The following BARX2 variants were observed in gnomAD, a reference collection of about 807,000 sequenced individuals.
BARX2 encodes the protein homeobox protein BarH-like 2.
A neutral mutation model predicts 25.5 loss-of-function variants in BARX2; 11 were observed. The observed-to-expected ratio is 0.43, with a 90% CI of 0.27 to 0.71. The LOEUF (loss-of-function observed/expected upper bound fraction) is 0.71, where lower values mean the gene tolerates loss of function less well. BARX2 is among the 30% of genes least tolerant of loss of function. The pLI is 0.19. For missense variants in BARX2, 360 were observed against 359.9 expected (o/e 1.00, Z 0.00); for synonymous variants, 137 against 149.5 (o/e 0.92, Z 0.61).
intron 3 of BARX2, among the ~76,000 whole-genome samples, chr11:129,449,914 G>A (rs575518605): frequency 3.9e-5 from 6 of 152,194 alleles, no homozygotes; most frequent in Admixed American, 6.5e-5. Context: ...AGACCTGGGG[G>A]ATGAGGAAGG....
Position 129,427,204 on chromosome 11 carries a change from C to T in BARX2, c.188-9547C>T, listed in dbSNP as rs141611161. Among the ~76,000 whole-genome samples the T allele has an allele frequency of 1.1e-3, 168 of 152,252 alleles. 2 individuals carry two copies. The highest frequency in any genetic ancestry group is 3.3e-3 in the East Asian group (17 of 5,178). On this transcript the variant is annotated intron_variant, in intron 1 of 3. Transcript: ENST00000281437. Reference sequence around the variant, plus strand: ...CATACATTAATGCCGTTAATCCTCACGATAATCCAGGAGGGAGAACTGTTA... The same window carrying T: ...CATACATTAATGCCGTTAATCCTCATGATAATCCAGGAGGGAGAACTGTTA...
At chr11:129,385,525 G>GA (rs35952223) in intron 1 of BARX2, among the ~76,000 whole-genome samples, 2 of 152,132 alleles carry the variant, frequency 1.3e-5, no homozygotes, top group African/African-American at 4.8e-5. Context: ...ACAATGTTGA[G>GA]AAAAAAAGTT....
chr11:129,427,667 A>T (rs1862081343), intron 1 of BARX2, among the ~76,000 whole-genome samples: 1 of 152,160 alleles, frequency 6.6e-6, no homozygotes, highest in African/African-American at 2.4e-5. Flanking sequence ...GGAAGAATAG[A>T]AGAGAAGCCC....
intron 3 of BARX2, 108 bp downstream of exon 3, chr11:129,443,027 G>A (rs1591448708): frequency 4.1e-6 from 4 of 967,378 alleles, no homozygotes; most frequent in Non-Finnish European, 6.5e-6. Context: ...TGCAGAGATT[G>A]GAAGGCCTTC....
chr11:129,419,044 G>C (rs905141357), intron 1 of BARX2, among the ~76,000 whole-genome samples: 1 of 152,222 alleles, frequency 6.6e-6, no homozygotes, highest in East Asian at 1.9e-4. Context: ...GCGCACATGA[G>C]GTGAACAGGC....
At chr11:129,378,196 T>A (rs886511102) in intron 1 of BARX2, among the ~76,000 whole-genome samples, 8 of 152,348 alleles carry the variant, frequency 5.3e-5, no homozygotes, top group African/African-American at 1.4e-4. Flanking sequence ...TTTCGGATTG[T>A]TAGTTGAAAA....
intron 1 of BARX2, among the ~76,000 whole-genome samples, chr11:129,411,700 T>G (rs1440254057): frequency 6.6e-6 from 1 of 152,248 alleles, no homozygotes; most frequent in African/African-American, 2.4e-5. Flanking sequence ...TGCTGGGAGC[T>G]GAGCTACTTC....
At chr11:129,422,550 C>T (rs1862016379) in intron 1 of BARX2, among the ~76,000 whole-genome samples, 1 of 152,196 alleles carries the variant, frequency 6.6e-6, no homozygotes, top group Admixed American at 6.5e-5. Flanking sequence ...CCTCCTGCCT[C>T]AGCCTCCCAA....
chr11:129,410,253 G>C (rs1157696422), intron 1 of BARX2, among the ~76,000 whole-genome samples: 2 of 151,990 alleles, frequency 1.3e-5, no homozygotes, highest in Non-Finnish European at 2.9e-5. Context: ...CTTCTACTTT[G>C]AAAATTCAGC....
In BARX2 at chr11:129,442,836, T is replaced by C. The variant is rs1862279361; in HGVS notation, c.490T>C (p.Leu164=). The change falls in exon 3 of 4, where the codon TTG becomes CTG. Residue 164 remains leucine (L), a splice_region_variant and synonymous_variant. Coordinates refer to ENST00000281437, the MANE Select transcript of BARX2 (RefSeq NM_003658.5). ...TCCTTTGTATCTTGTGCCTTCTAGG[T>C]TGGACTTGGCTCAGTCTCTGGGACT... ...KQKYLSTPDR[L]DLAQSLGLTQ... 1 of 1,613,132 alleles carries C rather than the reference T, an allele frequency of 6.2e-7. No homozygotes were observed. Among genetic ancestry groups the C allele is most frequent in the African/African-American group, 1.3e-5 (1 of 74,888 alleles).
chr11:129,380,209 G>T (rs1861548094), intron 1 of BARX2, among the ~76,000 whole-genome samples: 1 of 151,984 alleles, frequency 6.6e-6, no homozygotes. Flanking sequence ...CACACCCAGG[G>T]GACAGTCAAC....
intron 1 of BARX2, among the ~76,000 whole-genome samples, chr11:129,378,128 T>G (rs1187596287): frequency 6.6e-6 from 1 of 152,220 alleles, no homozygotes; most frequent in African/African-American, 2.4e-5. Flanking sequence ...TGATGGTTCG[T>G]GGTAGAGGGT....
In BARX2 at chr11:129,406,607, G is replaced by T. The variant is rs544625141; in HGVS notation, c.188-30144G>T. On this transcript the variant is annotated intron_variant, in intron 1 of 3. Coordinates refer to ENST00000281437, the MANE Select transcript of BARX2 (RefSeq NM_003658.5). Reference sequence around the variant, plus strand: ...AGTGCTTGGGGAGGTGGAGGAGGGAGGACACTGCAGGCACCTCCCAAGGCT... The same window carrying T: ...AGTGCTTGGGGAGGTGGAGGAGGGATGACACTGCAGGCACCTCCCAAGGCT... Among the ~76,000 whole-genome samples, 4 of 152,304 alleles carry T rather than the reference G, an allele frequency of 2.6e-5. No individual in the cohort carries two copies. In the South Asian group the frequency reaches 8.3e-4, roughly 32 times the overall value.
Position 129,451,443 on chromosome 11 carries a change from G to C in BARX2, c.*41G>C. ...AGGGAAGAGGGAGACTGGGGAGAAGGGAAAAGAGAGAAGGCAGGGAGAGTA... is the reference window on the plus strand; with the variant it reads ...AGGGAAGAGGGAGACTGGGGAGAAGCGAAAAGAGAGAAGGCAGGGAGAGTA... On this transcript the variant is annotated 3_prime_UTR_variant, in exon 4 of 4. Transcript: ENST00000281437. The C allele has an allele frequency of 6.3e-7, 1 of 1,588,404 alleles. No individual in the cohort carries two copies. The highest frequency in any genetic ancestry group is 8.6e-7 in the Non-Finnish European group (1 of 1,163,776).
At chr11:129,423,775 A>G (rs1383823133) in intron 1 of BARX2, among the ~76,000 whole-genome samples, 1 of 151,640 alleles carries the variant, frequency 6.6e-6, no homozygotes, top group East Asian at 1.9e-4. Context: ...TGTCTCTTCT[A>G]TTGATGATTT....
intron 3 of BARX2, among the ~76,000 whole-genome samples, chr11:129,449,008 C>T (rs1591451543): frequency 6.6e-6 from 1 of 152,228 alleles, no homozygotes; most frequent in African/African-American, 2.4e-5. Flanking sequence ...AGAAAGCAGA[C>T]TAGTGGTTGC....
chr11:129,396,872 T>C (rs775710405), intron 1 of BARX2, among the ~76,000 whole-genome samples: 8 of 152,174 alleles, frequency 5.3e-5, no homozygotes, highest in Non-Finnish European at 1.2e-4. Flanking sequence ...TACCAGCTCA[T>C]GGATTTTACA....
Position 129,451,316 on chromosome 11 carries a change from C to A in BARX2, c.754C>A (p.Arg252Ser). The A allele has an allele frequency of 6.2e-7, 1 of 1,614,160 alleles. No individual in the cohort carries two copies. The highest frequency in any genetic ancestry group is 1.1e-5 in the South Asian group (1 of 91,066). ...ELCEAQEPKA[R>S]DVPLEMAEPP... ...CTGTGAAGCACAGGAACCGAAAGCA[C>A]GTGATGTCCCCTTAGAGATGGCAGA... The change falls in exon 4 of 4, where the codon CGT becomes AGT. Residue 252 changes from arginine (R) to serine (S), a missense_variant. Physicochemically the swap from Arg to Ser is moderately radical, Grantham distance 110. This residue lies in a region of BARX2 where 114 missense variants were observed against 109.4 expected (regional missense o/e 1.04). Coordinates refer to ENST00000281437, the MANE Select transcript of BARX2 (RefSeq NM_003658.5).
intron 1 of BARX2, among the ~76,000 whole-genome samples, chr11:129,417,209 T>C (rs1861954066): frequency 6.6e-6 from 1 of 152,126 alleles, no homozygotes; most frequent in South Asian, 2.1e-4. Context: ...CCCAGTGTCT[T>C]TATTTTTATT....
Sources: allele counts gnomAD v4.1 joint callset (sites outside exome capture counted in the v4.1 genomes callset), GRCh38; gene constraint gnomAD v4.1.1; regional missense constraint gnomAD v4.1.1; transcripts MANE v1.5; gene names NCBI Gene and HGNC (gene_info 2026-07-23, HGNC 2026-07-21).